Variants in MYH10 observed in about 807,000 individuals in gnomAD.
MYH10 encodes the protein myosin heavy chain 10.
A neutral mutation model predicts 257.8 loss-of-function variants in MYH10; 55 were observed. The observed-to-expected ratio is 0.21, with a 90% CI of 0.17 to 0.27. The LOEUF (loss-of-function observed/expected upper bound fraction) is 0.27. Among genes scored for constraint, MYH10 ranks in the 10% least tolerant of loss-of-function variants. The pLI is 1.00. For missense variants in MYH10, 1,631 were observed against 2,500.6 expected (o/e 0.65, Z 7.42); for synonymous variants, 854 against 921.7 (o/e 0.93, Z 1.33).
At chr17:8,547,370 C>A (rs1369850541) in intron 11 of MYH10, among the ~76,000 whole-genome samples, 1 of 152,074 alleles carries the variant, frequency 6.6e-6, no homozygotes. Context: ...GGAGGCCCAA[C>A]CGCCAATCAA....
intron 6 of MYH10, among the ~76,000 whole-genome samples, chr17:8,571,650 C>T (rs1189677062): frequency 2.0e-5 from 3 of 151,610 alleles, no homozygotes; most frequent in South Asian, 2.1e-4. Flanking sequence ...GGTGTGGTGG[C>T]GGGTGCCTGA....
intron 1 of MYH10, among the ~76,000 whole-genome samples, chr17:8,625,043 G>A (rs2085620604): frequency 6.6e-6 from 1 of 152,098 alleles, no homozygotes; most frequent in South Asian, 2.1e-4. Context: ...GAGGTCAGAA[G>A]TTCGAGACCA....
intron 7 of MYH10, among the ~76,000 whole-genome samples, chr17:8,559,887 A>G (rs1347006193): frequency 6.6e-6 from 1 of 152,194 alleles, no homozygotes; most frequent in East Asian, 1.9e-4. Flanking sequence ...GTTAATAAAA[A>G]TATTGCTATT....
At chr17:8,619,034 C>G (rs1447304450) in intron 2 of MYH10, among the ~76,000 whole-genome samples, 1 of 152,126 alleles carries the variant, frequency 6.6e-6, no homozygotes, top group Non-Finnish European at 1.5e-5. Flanking sequence ...AAATAGCATT[C>G]TACTTAAAAA....
At chr17:8,590,015 T>C (rs1055188342) in intron 3 of MYH10, among the ~76,000 whole-genome samples, 1 of 152,216 alleles carries the variant, frequency 6.6e-6, no homozygotes, top group African/African-American at 2.4e-5. Context: ...TTCTCAACAA[T>C]ACGAAACAAG....
At position 8,561,449 on chromosome 17, in the gene MYH10, G is replaced by A. The variant is rs201891489; in HGVS notation, c.757-7431C>T. 1.7e-4 allele frequency: 195 copies of A among 1,160,812 alleles called. 1 individual carries two copies. Among genetic ancestry groups the A allele is most frequent in the South Asian group, 2.8e-4 (23 of 82,310 alleles). 71.9% of individuals were successfully genotyped at this position (1,160,812 alleles called of 1,614,324 possible). On this transcript the variant is annotated intron_variant, in intron 7 of 42. Coordinates refer to ENST00000360416, the MANE Select transcript of MYH10 (RefSeq NM_001256012.3). ...AAGCTGTGTGTGAAGCTACATTACC[G>A]TGTGAGTTGTGCAATTCACAGCAAA...
chr17:8,560,310 C>T (rs2082943803), intron 7 of MYH10, among the ~76,000 whole-genome samples: 1 of 152,118 alleles, frequency 6.6e-6, no homozygotes, highest in South Asian at 2.1e-4. Flanking sequence ...TGAATTCTAG[C>T]AACTGTAAAA....
At position 8,509,916 on chromosome 17, in the gene MYH10, C is replaced by A. The variant is rs2081203070; in HGVS notation, c.2986G>T (p.Ala996Ser). Residue 996 changes from alanine (A) to serine (S), a missense_variant, in exon 25 of 43, where the codon GCT becomes TCT. Ala to Ser is a moderately conservative substitution (Grantham distance 99). Coordinates refer to ENST00000360416, the MANE Select transcript of MYH10 (RefSeq NM_001256012.3). ...LEEQLDEEEG[A>S]RQKLQLEKVT... ...TTTTCCAGCTGCAGCTTTTGCCGAG[C>A]CCCTTCCTCCTCGTCTAGCTGTTCT... is the stretch of plus-strand genomic sequence containing the variant. The A allele has an allele frequency of 1.2e-6, 2 of 1,612,346 alleles. No homozygotes were observed. Among genetic ancestry groups the A allele is most frequent in the Non-Finnish European group, 1.7e-6 (2 of 1,179,184 alleles).
chr17:8,489,743 A>ACACACACACACC (rs1437818172), intron 35 of MYH10, among the ~76,000 whole-genome samples: 1,521 of 150,192 alleles, frequency 0.01, 15 homozygotes, highest in Non-Finnish European at 0.012. Flanking sequence ...ACACACACAC[A>ACACACACACACC]CACCCCAAAT....
At chr17:8,517,544 C>T (rs2081510654) in intron 21 of MYH10, among the ~76,000 whole-genome samples, 1 of 152,224 alleles carries the variant, frequency 6.6e-6, no homozygotes. Context: ...CCTTCTAAAT[C>T]CAAATCAGTT....
chr17:8,589,159 G>C (rs759618450), intron 3 of MYH10, 51 bp from the exon 4 acceptor site: 11 of 1,579,036 alleles, frequency 7.0e-6, no homozygotes, highest in Non-Finnish European at 9.5e-6. Context: ...CATTTGCCTG[G>C]TTTTAAAATA....
chr17:8,576,664 C>T lies in MYH10; in HGVS notation c.642G>A (p.Ser214=), dbSNP rs1246126044. ...GRKDHNIPQE[S]PKPVKHQGEL... Reference sequence around the variant, plus strand: ...TTGCCTGGTGTTTCACTGGTTTAGGCGATTCCTGCTGTTCATTACAAACAG... The same window carrying T: ...TTGCCTGGTGTTTCACTGGTTTAGGTGATTCCTGCTGTTCATTACAAACAG... Residue 214 remains serine (S), a synonymous_variant, in exon 6 of 43, where the codon TCG becomes TCA. Transcript: ENST00000360416. 1.2e-5 allele frequency: 18 copies of T among 1,550,596 alleles called. No homozygotes were observed. Among genetic ancestry groups the T allele is most frequent in the Non-Finnish European group, 1.4e-5 (16 of 1,146,996 alleles).
chr17:8,578,332 T>A (rs528842554), intron 4 of MYH10, among the ~76,000 whole-genome samples: 39 of 146,836 alleles, frequency 2.7e-4, no homozygotes, highest in Non-Finnish European at 5.7e-4. Flanking sequence ...AACCTCTGCC[T>A]CCTGGGTTCA....
In MYH10 at chr17:8,495,259, T is replaced by A; in HGVS notation, c.3952-18A>T. The A allele has an allele frequency of 6.7e-7, 1 of 1,502,118 alleles. No homozygotes were observed. Among genetic ancestry groups the A allele is most frequent in the Non-Finnish European group, 9.3e-7 (1 of 1,079,790 alleles). The allele number at this position is 1,502,118 out of a possible 1,614,324, so 93.0% of individuals were successfully genotyped here. A position where few individuals can be genotyped will look rare whatever the true frequency, so the allele number is the denominator to read the frequency against. ...AGCTCATTCTGTAAGGAGCAGAAGA[T>A]TAAATTCAACTCAATAGTAAGCAAG... On this transcript the variant is annotated intron_variant, in intron 30 of 42. Transcript: ENST00000360416.
chr17:8,556,400 G>A (rs1395153409), intron 7 of MYH10, among the ~76,000 whole-genome samples: 4 of 152,202 alleles, frequency 2.6e-5, no homozygotes, highest in South Asian at 2.1e-4. Context: ...TGAAGAAATC[G>A]TGGTATATTC....
In MYH10 at chr17:8,477,068, C is replaced by T. The variant is rs1567759522; in HGVS notation, c.5707-20G>A. The T allele has an allele frequency of 1.2e-6, 2 of 1,612,848 alleles. No homozygotes were observed. The highest frequency in any genetic ancestry group is 2.2e-5 in the East Asian group (1 of 44,830). On this transcript the variant is annotated intron_variant, in intron 41 of 42. Transcript: ENST00000360416. This position sits in a 1 kb window ranked among gnomAD's most constrained non-coding sequence, Gnocchi z 4.2. ...CTCCATCTTGGGGAGGGTACATGAA[C>T]CAAAACAAACCAAACTGGTGAATCC...
intron 3 of MYH10, among the ~76,000 whole-genome samples, chr17:8,602,015 G>A (rs911056436): frequency 5.1e-5 from 7 of 136,032 alleles, no homozygotes; most frequent in Admixed American, 1.6e-4. Context: ...TCGTTCTTTC[G>A]CCCAGGCCGG....
At chr17:8,530,548 CAG>C in intron 17 of MYH10, 73 bp downstream of exon 17, 1 of 972,680 alleles carries the variant, frequency 1.0e-6, no homozygotes, top group South Asian at 1.8e-5. Flanking sequence ...GCCACCCTGC[CAG>C]TCCCCCCACA....
chr17:8,606,962 A>G (rs2084835539), intron 2 of MYH10, among the ~76,000 whole-genome samples: 1 of 152,088 alleles, frequency 6.6e-6, no homozygotes, highest in African/African-American at 2.4e-5. Flanking sequence ...CTTTCTCCCA[A>G]TCAAGTCTCT....
Sources: allele counts gnomAD v4.1 joint callset (sites outside exome capture counted in the v4.1 genomes callset), GRCh38; gene constraint gnomAD v4.1.1; non-coding constraint Gnocchi (gnomAD v3.1); transcripts MANE v1.5; gene names NCBI Gene and HGNC (gene_info 2026-07-23, HGNC 2026-07-21).